TRAM2: variants seen among roughly 807,000 people sequenced by gnomAD.
The protein encoded by TRAM2 is translocation associated membrane protein 2.
Under a neutral mutation model 51.0 loss-of-function variants are expected in TRAM2, and 12 were observed. The ratio of observed to expected loss-of-function variants is 0.24; its 90% CI spans 0.15 to 0.38. The LOEUF (loss-of-function observed/expected upper bound fraction) is 0.38, where lower values mean the gene tolerates loss of function less well. Ranked by LOEUF, TRAM2 falls within the 10% of genes least tolerant of loss-of-function variation. TRAM2 has a pLI of 1.00. For synonymous variants in TRAM2, 175 were observed against 179.4 expected (o/e 0.98, Z 0.20); for missense variants, 361 against 462.0 (o/e 0.78, Z 2.00).
intron 2 of TRAM2, among the ~76,000 whole-genome samples, chr6:52,521,701 A>T (rs550533975): frequency 1.3e-5 from 2 of 151,102 alleles, no homozygotes; most frequent in South Asian, 4.2e-4. Flanking sequence ...TCCATCTCAA[A>T]AAAATAAAAT....
chr6:52,516,835 A>G, intron 2 of TRAM2, 98 bp from the exon 3 acceptor site: 1 of 910,236 alleles, frequency 1.1e-6, no homozygotes, highest in Non-Finnish European at 1.8e-6. Context: ...GCGCCATCAA[A>G]TGCTACCCGT....
chr6:52,509,993 T>C (rs936472526), intron 4 of TRAM2, among the ~76,000 whole-genome samples: 1 of 152,210 alleles, frequency 6.6e-6, no homozygotes, highest in Non-Finnish European at 1.5e-5. Context: ...TCTAGTCCTG[T>C]GCCTGGCATG....
chr6:52,545,076 A>G (rs1767174381), intron 1 of TRAM2, among the ~76,000 whole-genome samples: 1 of 152,142 alleles, frequency 6.6e-6, no homozygotes, highest in Non-Finnish European at 1.5e-5. Context: ...AGACTTGGGG[A>G]TTTTTTCTCA....
rs189107930 is a variant in TRAM2, at chr6:52,507,610, C to A, written c.569G>T (p.Arg190Leu). 1.2e-6 allele frequency: 2 copies of A among 1,613,882 alleles called. No individual in the cohort carries two copies. Among genetic ancestry groups the A allele is most frequent in the South Asian group, 1.1e-5 (1 of 91,044 alleles). ...FQKVRKEEIP[R>L]QLQYICLYLV... ...GTACAGGCAAATATACTGGAGCTGGCGGGGAATTTCCTCCTGGAAACAAGA... is the reference window on the plus strand; with the variant it reads ...GTACAGGCAAATATACTGGAGCTGGAGGGGAATTTCCTCCTGGAAACAAGA... The change falls in exon 7 of 11, where the codon CGC becomes CTC. Residue 190 changes from arginine (R) to leucine (L), a missense_variant. Physicochemically the swap from Arg to Leu is moderately radical, Grantham distance 102. Coordinates refer to ENST00000182527, the MANE Select transcript of TRAM2 (RefSeq NM_012288.4).
chr6:52,537,846 G>C (rs1020101335), intron 1 of TRAM2, among the ~76,000 whole-genome samples: 6 of 152,144 alleles, frequency 3.9e-5, no homozygotes. Flanking sequence ...GCTTCACTCA[G>C]CTGTACTTAT....
chr6:52,558,606 A>C (rs1767449459), intron 1 of TRAM2, among the ~76,000 whole-genome samples: 1 of 152,226 alleles, frequency 6.6e-6, no homozygotes, highest in Non-Finnish European at 1.5e-5. Flanking sequence ...TACAGCAAAC[A>C]AAAGGTAATA....
intron 1 of TRAM2, among the ~76,000 whole-genome samples, chr6:52,549,896 G>A (rs948923794): frequency 6.6e-6 from 1 of 152,184 alleles, no homozygotes; most frequent in African/African-American, 2.4e-5. Flanking sequence ...ATCAGGAAAC[G>A]TCTGTCCAAA....
intron 1 of TRAM2, among the ~76,000 whole-genome samples, chr6:52,567,753 T>C (rs935658139): frequency 2.0e-5 from 3 of 152,252 alleles, no homozygotes; most frequent in East Asian, 1.9e-4. Flanking sequence ...TCCTTTCCAA[T>C]ATACAGATTT....
intron 3 of TRAM2, 144 bp from the exon 4 acceptor site, chr6:52,516,266 C>T: frequency 2.7e-6 from 2 of 740,456 alleles, no homozygotes; most frequent in Non-Finnish European, 4.6e-6. Context: ...TTGGTGTAAG[C>T]CTACTGCGTG....
chr6:52,566,858 C>T (rs1338128904), intron 1 of TRAM2, among the ~76,000 whole-genome samples: 1 of 152,220 alleles, frequency 6.6e-6, no homozygotes, highest in East Asian at 1.9e-4. Flanking sequence ...TAGTACACTA[C>T]ACTTACTGAG....
intron 4 of TRAM2, 163 bp downstream of exon 4, chr6:52,515,843 C>T (rs941968): frequency 0.76 from 500,341 of 655,808 alleles, 191,707 homozygotes; most frequent in East Asian, 0.85. Flanking sequence ...GCAAACATAG[C>T]TTCAGTTCTA....
At chr6:52,561,179 G>A (rs939347465) in intron 1 of TRAM2, among the ~76,000 whole-genome samples, 1 of 152,226 alleles carries the variant, frequency 6.6e-6, no homozygotes, top group Admixed American at 6.5e-5. Flanking sequence ...GCCCATTTGC[G>A]AGTCCAGAGA....
intron 1 of TRAM2, among the ~76,000 whole-genome samples, chr6:52,568,822 A>T (rs1767630935): frequency 6.6e-6 from 1 of 152,202 alleles, no homozygotes; most frequent in African/African-American, 2.4e-5. Context: ...AAGATGAAGG[A>T]ACAAACTGAT....
chr6:52,567,607 T>C (rs1485699431), intron 1 of TRAM2, among the ~76,000 whole-genome samples: 3 of 152,272 alleles, frequency 2.0e-5, no homozygotes, highest in Non-Finnish European at 4.4e-5. Context: ...GCTATAAAAC[T>C]GTAGCTTTCC....
chr6:52,548,339 C>T (rs1414189822), intron 1 of TRAM2, among the ~76,000 whole-genome samples: 2 of 152,230 alleles, frequency 1.3e-5, no homozygotes, highest in African/African-American at 4.8e-5. Flanking sequence ...GCATTTTACA[C>T]AATCACATCA....
At chr6:52,532,185 C>T (rs1340692056) in intron 2 of TRAM2, among the ~76,000 whole-genome samples, 2 of 152,170 alleles carry the variant, frequency 1.3e-5, no homozygotes, top group African/African-American at 4.8e-5. Flanking sequence ...CAAAAATCAA[C>T]CCTCTGATCA....
At chr6:52,527,765 G>T (rs1309603848) in intron 2 of TRAM2, among the ~76,000 whole-genome samples, 2 of 152,238 alleles carry the variant, frequency 1.3e-5, no homozygotes, top group African/African-American at 2.4e-5. Flanking sequence ...AGCTGCGTCT[G>T]AAGAAGACAC....
chr6:52,572,221 G>A (rs1024896574), intron 1 of TRAM2, among the ~76,000 whole-genome samples: 7 of 152,194 alleles, frequency 4.6e-5, no homozygotes, highest in Non-Finnish European at 8.8e-5. Context: ...GAACACCATG[G>A]ATAGAGTAAG....
rs1766345635 is a variant in TRAM2, at chr6:52,506,145, G to A, written c.627-9C>T. Reference sequence around the variant, plus strand: ...GGCCCAGGCGGCTCAGGCTGGGGGTGGGGAAGACTAGACTTACATTCCCTC... The same window carrying A: ...GGCCCAGGCGGCTCAGGCTGGGGGTAGGGAAGACTAGACTTACATTCCCTC... On this transcript the variant is annotated splice_polypyrimidine_tract_variant and intron_variant, in intron 7 of 10. Transcript: ENST00000182527. 6.2e-7 allele frequency: 1 copy of A among 1,612,140 alleles called. No individual in the cohort carries two copies. The highest frequency in any genetic ancestry group is 1.1e-5 in the South Asian group (1 of 91,060).
Sources: allele counts gnomAD v4.1 joint callset (sites outside exome capture counted in the v4.1 genomes callset), GRCh38; gene constraint gnomAD v4.1.1; transcripts MANE v1.5; gene names NCBI Gene and HGNC (gene_info 2026-07-23, HGNC 2026-07-21).